Variants in CHRNA7 observed in about 807,000 individuals in gnomAD.
The protein encoded by CHRNA7 is neuronal acetylcholine receptor subunit alpha-7.
Under a neutral mutation model 48.0 loss-of-function variants are expected in CHRNA7, and 17 were observed. The ratio of observed to expected loss-of-function variants is 0.35; its 90% CI spans 0.24 to 0.53. The LOEUF is 0.53. Among genes scored for constraint, CHRNA7 ranks in the 20% least tolerant of loss-of-function variants. The pLI is 0.92. For synonymous variants in CHRNA7, 75 were observed against 242.3 expected (o/e 0.31, Z 6.41); for missense variants, 155 against 577.7 (o/e 0.27, Z 7.50).
intron 4 of CHRNA7, among the ~76,000 whole-genome samples, chr15:32,126,061 C>T (rs555314449): frequency 6.6e-6 from 1 of 152,156 alleles, no homozygotes; most frequent in South Asian, 2.1e-4. Flanking sequence ...ATGCTTCTCC[C>T]TGATACCTAG....
chr15:32,104,890 GAA>G (rs765948690), intron 3 of CHRNA7, among the ~76,000 whole-genome samples: 1 of 152,232 alleles, frequency 6.6e-6, no homozygotes, highest in South Asian at 2.1e-4. Flanking sequence ...CTTACAGAGA[GAA>G]ATGCATGTTA....
At chr15:32,107,004 G>A (rs570107492) in intron 3 of CHRNA7, among the ~76,000 whole-genome samples, 1 of 152,198 alleles carries the variant, frequency 6.6e-6, no homozygotes, top group Admixed American at 6.5e-5. Context: ...GGTGAAGAGC[G>A]ATGTGTCAAT....
At chr15:32,100,643 A>G (rs1350280822) in intron 2 of CHRNA7, 1 of 154,580 alleles carries the variant, frequency 6.5e-6, no homozygotes, top group Admixed American at 6.5e-5. Context: ...GAAAGATCCA[A>G]GTTTGAATGG....
At chr15:32,094,627 G>T (rs1288038567) in intron 2 of CHRNA7, among the ~76,000 whole-genome samples, 5 of 151,514 alleles carry the variant, frequency 3.3e-5, no homozygotes, top group African/African-American at 9.7e-5. Flanking sequence ...TAACAGTGGA[G>T]AATTTTGCTA....
intron 2 of CHRNA7, chr15:32,098,835 A>G (rs558811406): frequency 6.8e-6 from 1 of 147,362 alleles, no homozygotes; most frequent in Non-Finnish European, 1.5e-5. Context: ...GTGTATCATT[A>G]TTGTGTTGTA....
intron 4 of CHRNA7, among the ~76,000 whole-genome samples, chr15:32,114,572 G>T (rs2050836038): frequency 6.6e-6 from 1 of 152,156 alleles, no homozygotes; most frequent in Non-Finnish European, 1.5e-5. Context: ...TTGTTTTCCT[G>T]AGACATGGAA....
chr15:32,077,810 A>G (rs938351663), intron 2 of CHRNA7, among the ~76,000 whole-genome samples: 33 of 152,052 alleles, frequency 2.2e-4, no homozygotes, highest in African/African-American at 7.2e-4. Flanking sequence ...ATCACATGAT[A>G]AGAGAGGAAG....
chr15:32,135,017 A>C (rs748246147), intron 4 of CHRNA7, among the ~76,000 whole-genome samples: 1 of 152,234 alleles, frequency 6.6e-6, no homozygotes, highest in Non-Finnish European at 1.5e-5. Context: ...AATGCTTTAC[A>C]TATATTAACA....
At chr15:32,037,820 T>C (rs1902164860) in intron 2 of CHRNA7, among the ~76,000 whole-genome samples, 1 of 152,006 alleles carries the variant, frequency 6.6e-6, no homozygotes, top group South Asian at 2.1e-4. Flanking sequence ...TCAGTTATTT[T>C]GGGTTTTCTA....
At chr15:32,040,598 ATGTGTGTATGTG>A (rs1298646163) in intron 2 of CHRNA7, among the ~76,000 whole-genome samples, 1 of 92,106 alleles carries the variant, frequency 1.1e-5, no homozygotes, top group Non-Finnish European at 3.2e-5. Context: ...GTGTGTGTAT[ATGTGTGTATGTG>A]TGTGTGTGTA....
At chr15:32,107,204 C>A (rs1236491917) in intron 3 of CHRNA7, among the ~76,000 whole-genome samples, 3 of 152,292 alleles carry the variant, frequency 2.0e-5, no homozygotes, top group East Asian at 3.9e-4. Flanking sequence ...CAATTCAATT[C>A]ATTTCTCACA....
intron 2 of CHRNA7, among the ~76,000 whole-genome samples, chr15:32,064,446 A>G (rs1263841591): frequency 1.3e-5 from 2 of 150,970 alleles, no homozygotes; most frequent in Admixed American, 1.3e-4. Context: ...CTTTCTCATG[A>G]TGATAGGTGA....
intron 2 of CHRNA7, among the ~76,000 whole-genome samples, chr15:32,045,734 T>C (rs1324595010): frequency 6.6e-6 from 1 of 151,590 alleles, no homozygotes; most frequent in Admixed American, 6.6e-5. Context: ...TTGTTACATA[T>C]GTATACATGT....
chr15:32,126,861 A>G (rs886926667), intron 4 of CHRNA7, among the ~76,000 whole-genome samples: 2 of 152,228 alleles, frequency 1.3e-5, no homozygotes, highest in African/African-American at 4.8e-5. Context: ...TATCAAAGCC[A>G]AGAAATTAAC....
chr15:32,051,613 A>G lies in CHRNA7; in HGVS notation c.195+20576A>G, dbSNP rs567095286. Among the ~76,000 whole-genome samples the G allele has an allele frequency of 1.4e-4, 21 of 152,230 alleles. No individual in the cohort carries two copies. The South Asian group carries it at 2.7e-3, about 20-fold the overall frequency. On this transcript the variant is annotated intron_variant, in intron 2 of 9. Transcript: ENST00000306901. ...CCCCTTGCACTTCCCGAGTGAGGCA[A>G]TGCCTCGCCCTGCTTCGGCTGGTGC... is the stretch of plus-strand genomic sequence containing the variant.
intron 4 of CHRNA7, among the ~76,000 whole-genome samples, chr15:32,120,630 A>T (rs80261295): frequency 6.6e-6 from 1 of 151,886 alleles, no homozygotes; most frequent in Non-Finnish European, 1.5e-5. Context: ...TTTCAAGCAG[A>T]GGACAGGTGC....
At chr15:32,040,821 T>C (rs1407907252) in intron 2 of CHRNA7, among the ~76,000 whole-genome samples, 1 of 152,104 alleles carries the variant, frequency 6.6e-6, no homozygotes, top group African/African-American at 2.4e-5. Context: ...TTTCCCTTTT[T>C]TTAAAGAACT....
intron 4 of CHRNA7, among the ~76,000 whole-genome samples, chr15:32,148,137 G>A (rs1285400994): frequency 6.6e-6 from 1 of 152,154 alleles, no homozygotes; most frequent in Non-Finnish European, 1.5e-5. Context: ...TTACTATTTA[G>A]GGTCATCCTG....
intron 2 of CHRNA7, among the ~76,000 whole-genome samples, chr15:32,064,553 T>A (rs1031849283): frequency 3.3e-5 from 5 of 151,584 alleles, no homozygotes; most frequent in African/African-American, 1.2e-4. Flanking sequence ...GTCTGTATGG[T>A]AGTGGTGGTG....
Sources: allele counts gnomAD v4.1 joint callset (sites outside exome capture counted in the v4.1 genomes callset), GRCh38; gene constraint gnomAD v4.1.1; transcripts MANE v1.5; gene names NCBI Gene and HGNC (gene_info 2026-07-23, HGNC 2026-07-21).